PDZRN4: variants seen among roughly 807,000 people sequenced by gnomAD.
PDZRN4 encodes PDZ domain containing ring finger 4, also known as PDZ domain-containing RING finger protein 4.
In PDZRN4, 70 loss-of-function variants were observed where a neutral mutation model predicts 99.0. The observed-to-expected ratio is 0.71, with a 90% CI of 0.58 to 0.86. PDZRN4 has a LOEUF of 0.86. Ranked by LOEUF, PDZRN4 falls within the 40% of genes least tolerant of loss-of-function variation. The pLI, the probability that PDZRN4 is intolerant of heterozygous loss-of-function variation, is 0.00. For synonymous variants in PDZRN4, 551 were observed against 501.6 expected, an observed-to-expected ratio of 1.10 and a Z score of -1.32; for missense variants, 1,474 against 1,331.2, an observed-to-expected ratio of 1.11 and a Z score of -1.67.
chr12:41,234,939 C>T (rs1373625277), intron 3 of PDZRN4, among the ~76,000 whole-genome samples: 1 of 152,012 alleles, frequency 6.6e-6, no homozygotes, highest in Non-Finnish European at 1.5e-5. Context: ...TCCTGGCACT[C>T]CTCAGACCCC....
chr12:41,514,328 C>G (rs561509246), intron 5 of PDZRN4, among the ~76,000 whole-genome samples: 6 of 152,012 alleles, frequency 3.9e-5, no homozygotes, highest in Non-Finnish European at 8.8e-5. Context: ...GGAGCTAGAT[C>G]CCTGCAAATA....
At chr12:41,418,786 A>G (rs1384184664) in intron 3 of PDZRN4, among the ~76,000 whole-genome samples, 2 of 152,140 alleles carry the variant, frequency 1.3e-5, no homozygotes, top group Non-Finnish European at 2.9e-5. Context: ...CCAGCAGCCA[A>G]GGGAAAAGGG....
chr12:41,464,608 C>T (rs1168129533), intron 3 of PDZRN4, among the ~76,000 whole-genome samples: 1 of 152,120 alleles, frequency 6.6e-6, no homozygotes. Context: ...ACAGGGTTTA[C>T]ATATGAGAAT....
intron 3 of PDZRN4, among the ~76,000 whole-genome samples, chr12:41,264,640 CT>C (rs1403361353): frequency 7.2e-5 from 11 of 152,188 alleles, no homozygotes; most frequent in African/African-American, 2.2e-4. Flanking sequence ...GAATTTTAAT[CT>C]TTTATTTATA....
intron 3 of PDZRN4, among the ~76,000 whole-genome samples, chr12:41,307,118 T>G (rs1951576266): frequency 6.6e-6 from 1 of 152,192 alleles, no homozygotes; most frequent in African/African-American, 2.4e-5. Flanking sequence ...TCAAAATTTT[T>G]TTCAGTATTT....
chr12:41,261,929 G>A (rs1445111000), intron 3 of PDZRN4, among the ~76,000 whole-genome samples: 3 of 152,190 alleles, frequency 2.0e-5, no homozygotes, highest in Non-Finnish European at 2.9e-5. Flanking sequence ...ATGGGATGGG[G>A]AGAATAGTAT....
chr12:41,421,246 A>C (rs11180911), intron 3 of PDZRN4, among the ~76,000 whole-genome samples: 5,178 of 152,072 alleles, frequency 0.034, 123 homozygotes, highest in African/African-American at 0.073. Flanking sequence ...TTTGTCACCC[A>C]GGAGTGCAAT....
chr12:41,347,231 C>T (rs7131807), intron 3 of PDZRN4, among the ~76,000 whole-genome samples: 152,208 of 152,226 alleles, frequency 1, 76,095 homozygotes, highest in Non-Finnish European at 1. Context: ...TGCCAAATTG[C>T]TTTTCACAGC....
At chr12:41,391,784 C>A (rs1395872497) in intron 3 of PDZRN4, among the ~76,000 whole-genome samples, 2 of 152,134 alleles carry the variant, frequency 1.3e-5, no homozygotes, top group Non-Finnish European at 2.9e-5. Flanking sequence ...GAATAGCCTT[C>A]TCTCTGGTGT....
intron 3 of PDZRN4, among the ~76,000 whole-genome samples, chr12:41,284,344 T>G (rs1951408324): frequency 6.6e-6 from 1 of 151,954 alleles, no homozygotes; most frequent in Non-Finnish European, 1.5e-5. Context: ...AACCACTGCT[T>G]AAGGAAATAA....
At chr12:41,496,072 T>A (rs1339251912) in intron 3 of PDZRN4, among the ~76,000 whole-genome samples, 1 of 152,128 alleles carries the variant, frequency 6.6e-6, no homozygotes, top group Non-Finnish European at 1.5e-5. Flanking sequence ...CTCAGCCTGT[T>A]ACACTCATTT....
At chr12:41,245,061 C>T (rs2120792601) in intron 3 of PDZRN4, among the ~76,000 whole-genome samples, 1 of 152,252 alleles carries the variant, frequency 6.6e-6, no homozygotes, top group Non-Finnish European at 1.5e-5. Flanking sequence ...AGATTTTCCT[C>T]AATTATCCCA....
At chr12:41,374,469 G>A (rs540327932) in intron 3 of PDZRN4, among the ~76,000 whole-genome samples, 1 of 152,252 alleles carries the variant, frequency 6.6e-6, no homozygotes, top group Non-Finnish European at 1.5e-5. Context: ...GTCCCACTCT[G>A]TCTCAGAACT....
intron 3 of PDZRN4, among the ~76,000 whole-genome samples, chr12:41,487,833 T>G (rs1185414699): frequency 2.0e-5 from 3 of 152,222 alleles, no homozygotes; most frequent in Admixed American, 6.5e-5. Context: ...TACTGCTTCT[T>G]AAAGTGAGAA....
At chr12:41,551,260 A>G (rs958107746) in intron 5 of PDZRN4, among the ~76,000 whole-genome samples, 2 of 152,108 alleles carry the variant, frequency 1.3e-5, no homozygotes, top group Non-Finnish European at 2.9e-5. Flanking sequence ...TCCTAAGGGC[A>G]CTAATCTTTT....
At chr12:41,486,677 G>GA (rs926147440) in intron 3 of PDZRN4, among the ~76,000 whole-genome samples, 16 of 150,958 alleles carry the variant, frequency 1.1e-4, no homozygotes, top group Admixed American at 2.6e-4. Flanking sequence ...TGAAAATAGA[G>GA]AAAAAAAAAT....
chr12:41,569,779 A>G (rs528095969), intron 9 of PDZRN4, among the ~76,000 whole-genome samples: 74 of 152,362 alleles, frequency 4.9e-4, no homozygotes, highest in African/African-American at 1.7e-3. Flanking sequence ...CATATGTGAT[A>G]TACTCATGTG....
chr12:41,453,889 C>A (rs867198829), intron 3 of PDZRN4, among the ~76,000 whole-genome samples: 1 of 80,514 alleles, frequency 1.2e-5, no homozygotes, highest in Non-Finnish European at 2.5e-5. Flanking sequence ...TATAAGGGTG[C>A]GTTTTTCAGC....
chr12:41,568,803 T>A (rs1195188791), intron 9 of PDZRN4, among the ~76,000 whole-genome samples: 1 of 112,812 alleles, frequency 8.9e-6, no homozygotes, highest in Non-Finnish European at 2.0e-5. Context: ...CATTATTATA[T>A]GTATTTTATT....
Sources: gnomAD v4.1 joint callset for allele counts (sites outside exome capture counted in the v4.1 genomes callset) on GRCh38, gnomAD v4.1.1 for gene constraint, MANE v1.5 for transcripts, NCBI Gene and HGNC (gene_info 2026-07-23, HGNC 2026-07-21) for gene names.